The following TCF12 variants were observed in gnomAD, a reference collection of about 807,000 sequenced individuals.
TCF12 encodes DNA-binding protein HTF4.
In TCF12, 45 loss-of-function variants were observed where a neutral mutation model predicts 86.0. The observed-to-expected ratio is 0.52, with a 90% CI of 0.41 to 0.67. TCF12 has a LOEUF of 0.67. Among genes scored for constraint, TCF12 ranks in the 30% least tolerant of loss-of-function variants. The pLI is 0.00. For synonymous variants in TCF12, 330 were observed against 299.6 expected (o/e 1.10, Z -1.05); for missense variants, 881 against 859.9 (o/e 1.02, Z -0.31).
In TCF12 at chr15:56,918,665, C is replaced by G. The variant is rs1415986867; in HGVS notation, c.-264C>G. The G allele has an allele frequency of 2.1e-5, 4 of 188,050 alleles. No individual in the cohort carries two copies. In the South Asian group the frequency reaches 2.4e-4, roughly 11 times the overall value. The allele number at this position is 188,050 out of a possible 1,614,324, so 11.6% of individuals were successfully genotyped here. ...AGGCGAGCCGAGCGCGGTGGTGAGG[C>G]CGCCTCAGCGAAAAAAATGTCCGCC... is the stretch of plus-strand genomic sequence containing the variant. On this transcript the variant is annotated 5_prime_UTR_variant, in exon 1 of 21. Transcript: ENST00000333725.
chr15:57,035,286 T>G (rs577285582), intron 3 of TCF12, among the ~76,000 whole-genome samples: 1 of 152,286 alleles, frequency 6.6e-6, no homozygotes, highest in African/African-American at 2.4e-5. Context: ...ATTTTAGAGA[T>G]AGTGTCTTGC....
intron 4 of TCF12, among the ~76,000 whole-genome samples, chr15:57,069,425 A>C (rs367929965): frequency 2.0e-5 from 3 of 152,342 alleles, no homozygotes. Flanking sequence ...AATGTCCACC[A>C]TGGTTTTCTC....
chr15:57,233,268 G>A (rs1372604603), intron 11 of TCF12, among the ~76,000 whole-genome samples: 1 of 151,826 alleles, frequency 6.6e-6, no homozygotes, highest in Admixed American at 6.6e-5. Flanking sequence ...AACCTCCAAG[G>A]TTGAGGAGGT....
intron 3 of TCF12, among the ~76,000 whole-genome samples, chr15:56,998,329 T>C (rs1454532175): frequency 4.0e-5 from 6 of 151,626 alleles, no homozygotes; most frequent in African/African-American, 1.2e-4. Context: ...TGGTAGCACG[T>C]GGTTGTAGTC....
intron 5 of TCF12, among the ~76,000 whole-genome samples, chr15:57,154,430 A>T (rs2053978327): frequency 6.6e-6 from 1 of 152,146 alleles, no homozygotes; most frequent in African/African-American, 2.4e-5. Flanking sequence ...CCCTAAAACC[A>T]CTTTGCCCAA....
chr15:57,045,206 C>G (rs1224029796), intron 3 of TCF12, among the ~76,000 whole-genome samples: 6 of 152,188 alleles, frequency 3.9e-5, no homozygotes, highest in Non-Finnish European at 1.5e-5. Flanking sequence ...TTTAAGTAGG[C>G]AGAACCTATG....
chr15:57,074,350 C>G (rs1385096769), intron 4 of TCF12, among the ~76,000 whole-genome samples: 1 of 94,454 alleles, frequency 1.1e-5, no homozygotes, highest in Non-Finnish European at 2.2e-5. Flanking sequence ...AATTTCATGC[C>G]CATTTTGATT....
At chr15:56,955,644 T>C (rs2061478414) in intron 3 of TCF12, among the ~76,000 whole-genome samples, 1 of 152,236 alleles carries the variant, frequency 6.6e-6, no homozygotes, top group African/African-American at 2.4e-5. Flanking sequence ...GAGTCTTGTT[T>C]TATGGTTTGA....
chr15:57,181,479 T>C (rs1398648315), intron 6 of TCF12, among the ~76,000 whole-genome samples: 2 of 152,096 alleles, frequency 1.3e-5, no homozygotes, highest in African/African-American at 2.4e-5. Context: ...CCATTTTACA[T>C]AGGATATTCT....
chr15:57,104,435 CT>C (rs71113062), intron 5 of TCF12, among the ~76,000 whole-genome samples: 51,167 of 104,914 alleles, frequency 0.49, 10,348 homozygotes, highest in East Asian at 0.63. Flanking sequence ...TTTTTTTTTT[CT>C]TTTTTTTTTT....
intron 5 of TCF12, among the ~76,000 whole-genome samples, chr15:57,101,191 G>A (rs1187660409): frequency 4.0e-5 from 6 of 151,518 alleles, no homozygotes; most frequent in Admixed American, 3.3e-4. Flanking sequence ...TTTGGTGGTG[G>A]TGGTTTTTGT....
rs574904443 is a variant in TCF12 at position 57,007,153 on chromosome 15, C to T, written c.149-56597C>T. Among the ~76,000 whole-genome samples the T allele has an allele frequency of 3.9e-5, 6 of 152,264 alleles. No homozygotes were observed. In the East Asian group the frequency reaches 9.6e-4, roughly 24 times the overall value. On this transcript the variant is annotated intron_variant, in intron 3 of 20. Coordinates refer to ENST00000333725, the MANE Select transcript of TCF12 (RefSeq NM_207037.2). The stretch of plus-strand genomic sequence containing the variant: ...TCACATCGTATGTGAAACATTTCCT[C>T]AGTTTCTTTTTAAAGAAAATTAAGT...
At chr15:56,947,420 T>C (rs1320359902) in intron 3 of TCF12, among the ~76,000 whole-genome samples, 1 of 152,176 alleles carries the variant, frequency 6.6e-6, no homozygotes, top group South Asian at 2.1e-4. Flanking sequence ...AAATTCCAGC[T>C]GCCTTTTCCT....
At chr15:57,099,430 G>GA (rs1184478001) in intron 5 of TCF12, among the ~76,000 whole-genome samples, 1 of 151,068 alleles carries the variant, frequency 6.6e-6, no homozygotes, top group Admixed American at 6.6e-5. Flanking sequence ...AAAATATAGG[G>GA]AAAAAATATA....
intron 3 of TCF12, among the ~76,000 whole-genome samples, chr15:56,929,242 G>A (rs971537415): frequency 2.0e-5 from 3 of 152,056 alleles, no homozygotes; most frequent in Non-Finnish European, 2.9e-5. Flanking sequence ...CATATCTTTA[G>A]CTGTATTTTT....
At chr15:56,983,334 C>T (rs2062987434) in intron 3 of TCF12, among the ~76,000 whole-genome samples, 2 of 152,134 alleles carry the variant, frequency 1.3e-5, no homozygotes, top group Admixed American at 6.6e-5. Flanking sequence ...TCTTTCCTTC[C>T]TTCCTTTCTC....
intron 4 of TCF12, among the ~76,000 whole-genome samples, chr15:57,072,485 T>C (rs1395129799): frequency 1.3e-5 from 2 of 152,330 alleles, no homozygotes; most frequent in East Asian, 1.9e-4. Flanking sequence ...AGATTAGTGT[T>C]ACTTTTTCTT....
intron 5 of TCF12, among the ~76,000 whole-genome samples, chr15:57,093,034 G>A (rs1220420602): frequency 1.3e-5 from 2 of 152,274 alleles, no homozygotes; most frequent in African/African-American, 4.8e-5. Flanking sequence ...TTGACAGTTT[G>A]AAGCCAGAAG....
At chr15:57,152,238 C>A (rs1326049446) in intron 5 of TCF12, among the ~76,000 whole-genome samples, 1 of 152,182 alleles carries the variant, frequency 6.6e-6, no homozygotes, top group Non-Finnish European at 1.5e-5. Context: ...CCCACAGTAT[C>A]CTGCATCCAT....
Sources: gnomAD v4.1 joint callset for allele counts (sites outside exome capture counted in the v4.1 genomes callset) on GRCh38, gnomAD v4.1.1 for gene constraint, MANE v1.5 for transcripts, NCBI Gene and HGNC (gene_info 2026-07-23, HGNC 2026-07-21) for gene names.